RAD54L: variants seen among roughly 807,000 people sequenced by gnomAD.
RAD54L encodes RAD54 like.
A neutral mutation model predicts 91.6 loss-of-function variants in RAD54L; 74 were observed. That is an observed-to-expected ratio of 0.81 (90% CI 0.67 to 0.98). The LOEUF is 0.98. Among genes scored for constraint, RAD54L ranks in the 50% least tolerant of loss-of-function variants. RAD54L has a pLI of 0.00. For missense variants in RAD54L, 887 were observed against 945.7 expected, an observed-to-expected ratio of 0.94 and a Z score of 0.81; for synonymous variants, 304 against 349.7, an observed-to-expected ratio of 0.87 and a Z score of 1.46.
chr1:46,257,326 C>T (rs1000087776), intron 3 of RAD54L, among the ~76,000 whole-genome samples: 2 of 152,018 alleles, frequency 1.3e-5, no homozygotes, highest in African/African-American at 4.8e-5. Context: ...GCTTTTTCCA[C>T]TAATATATTC....
chr1:46,249,793 T>C (rs1417503956), intron 2 of RAD54L, among the ~76,000 whole-genome samples: 1 of 152,198 alleles, frequency 6.6e-6, no homozygotes, highest in African/African-American at 2.4e-5. Context: ...AGGCAGGTTA[T>C]TTAATCTCAT....
Position 46,268,513 on chromosome 1 carries a change from ACT to A in RAD54L, c.1042+910_1042+911del, listed in dbSNP as rs368608254. On this transcript the variant is annotated intron_variant, in intron 9 of 17. Transcript: ENST00000371975. ...AACCACCATCAGATGAATTACTAAC[ACT>A]CTCTCAGCAGCCCCTTTTCTAATCA... Among the ~76,000 whole-genome samples, 74 of 151,876 alleles carry A rather than the reference ACT, an allele frequency of 4.9e-4. 1 individual carries two copies. In the South Asian group the frequency reaches 0.014, roughly 29 times the overall value.
At chr1:46,274,379 G>C (rs1660532118) in intron 15 of RAD54L, among the ~76,000 whole-genome samples, 159 bp from the exon 16 acceptor site, 1 of 151,992 alleles carries the variant, frequency 6.6e-6, no homozygotes. Flanking sequence ...GAAACTGACT[G>C]TGTGTGTTGG....
In RAD54L at chr1:46,248,556, A is replaced by G. The variant is rs372009941; in HGVS notation, c.48A>G (p.Glu16=). Reference sequence around the variant, plus strand: ...GCCAGCTGGCCAAGAGAAAACCTGAAGGCAGGTCCTGTGATGATGAAGACT... The same window carrying G: ...GCCAGCTGGCCAAGAGAAAACCTGAGGGCAGGTCCTGTGATGATGAAGACT... ...APSQLAKRKP[E]GRSCDDEDWQ... is the part of the protein sequence containing the mutation. The change falls in exon 2 of 18, where the codon GAA becomes GAG. Residue 16 remains glutamate (E), a synonymous_variant. Coordinates refer to ENST00000371975, the MANE Select transcript of RAD54L (RefSeq NM_003579.4). 3.7e-6 allele frequency: 6 copies of G among 1,614,052 alleles called. No homozygotes were observed. In the African/African-American group the frequency reaches 8.0e-5, roughly 22 times the overall value.
chr1:46,276,661 G>A (rs1456288045), intron 16 of RAD54L, among the ~76,000 whole-genome samples: 1 of 152,154 alleles, frequency 6.6e-6, no homozygotes, highest in East Asian at 1.9e-4. Flanking sequence ...GGATATTGCA[G>A]CAGCTTCCTA....
chr1:46,249,644 C>G (rs1243993776), intron 2 of RAD54L, among the ~76,000 whole-genome samples: 1 of 152,174 alleles, frequency 6.6e-6, no homozygotes, highest in Non-Finnish European at 1.5e-5. Context: ...CTCTTGGAAA[C>G]TCAGCGAAAT....
chr1:46,267,193 A>G (rs1481293233), intron 8 of RAD54L, among the ~76,000 whole-genome samples: 1 of 152,156 alleles, frequency 6.6e-6, no homozygotes, highest in Non-Finnish European at 1.5e-5. Context: ...CCTCCCAAGT[A>G]GCTGGGGCTA....
intron 14 of RAD54L, 137 bp downstream of exon 14, chr1:46,273,884 G>T: frequency 7.7e-7 from 1 of 1,303,692 alleles, no homozygotes; most frequent in Non-Finnish European, 1.1e-6. Flanking sequence ...TTATTGCTAT[G>T]ATGGCCTCAG....
chr1:46,260,187 C>T (rs748876683), intron 5 of RAD54L, 88 bp downstream of exon 5: 555 of 1,569,640 alleles, frequency 3.5e-4, no homozygotes, highest in Non-Finnish European at 4.5e-4. Flanking sequence ...GGTGTGATTT[C>T]TTTTTAGGAT....
chr1:46,265,134 C>G lies in RAD54L; in HGVS notation c.892-2325C>G, dbSNP rs945701328. ...TCATTTCCCTCTTCAGTTCAGAAGT[C>G]TAAGGCTTTTTTTAGGGCTAGTACT... On this transcript the variant is annotated intron_variant, in intron 8 of 17. Coordinates refer to ENST00000371975, the MANE Select transcript of RAD54L (RefSeq NM_003579.4). The surrounding 1 kb of genome is among the most constrained non-coding windows in gnomAD (Gnocchi z 4.8). Among the ~76,000 whole-genome samples the G allele has an allele frequency of 2.6e-5, 4 of 152,072 alleles. No individual in the cohort carries two copies. The highest frequency in any genetic ancestry group is 4.4e-5 in the Non-Finnish European group (3 of 68,024).
chr1:46,273,450 G>A lies in RAD54L; in HGVS notation c.1471G>A (p.Glu491Lys), dbSNP rs1217352097. The change falls in exon 13 of 18, where the codon GAG (glutamate) becomes AAG (lysine). Residue 491 changes from glutamate to lysine, a missense_variant. Coordinates refer to ENST00000371975, the MANE Select transcript of RAD54L (RefSeq NM_003579.4). ...FPPGYSSKAL[E>K]PQLSGKMLVL... Reference sequence around the variant, plus strand: ...TCCTGGTTACAGCTCTAAGGCCCTGGAGCCCCAGCTGTCAGGTGACCCTTT... The same window carrying A: ...TCCTGGTTACAGCTCTAAGGCCCTGAAGCCCCAGCTGTCAGGTGACCCTTT... The A allele has an allele frequency of 6.2e-7, 1 of 1,613,750 alleles. No individual in the cohort carries two copies. Among genetic ancestry groups the A allele is most frequent in the South Asian group, 1.1e-5 (1 of 91,070 alleles).
chr1:46,273,471 C>A lies in RAD54L; in HGVS notation c.1486+6C>A, dbSNP rs528490594. 31 of 1,612,304 alleles carry A rather than the reference C, an allele frequency of 1.9e-5. No individual in the cohort carries two copies. The East Asian group carries it at 6.5e-4, about 34-fold the overall frequency. On this transcript the variant is annotated splice_donor_region_variant and intron_variant, in intron 13 of 17. Transcript: ENST00000371975. ...CCTGGAGCCCCAGCTGTCAGGTGAC[C>A]CTTTTCCTACCAGTATTTGGGCTTC...
chr1:46,268,329 T>C (rs1660323863), intron 9 of RAD54L, among the ~76,000 whole-genome samples: 1 of 152,110 alleles, frequency 6.6e-6, no homozygotes, highest in African/African-American at 2.4e-5. Context: ...AAAATAGTAA[T>C]AATAATCAAA....
chr1:46,275,321 C>T (rs1177768793), intron 16 of RAD54L, among the ~76,000 whole-genome samples: 1 of 152,164 alleles, frequency 6.6e-6, no homozygotes, highest in African/African-American at 2.4e-5. Flanking sequence ...AAGATCACAC[C>T]GTGGAACTTG....
At chr1:46,255,038 G>A (rs1659902458) in intron 3 of RAD54L, among the ~76,000 whole-genome samples, 1 of 152,188 alleles carries the variant, frequency 6.6e-6, no homozygotes. Flanking sequence ...GCTTCGTCAA[G>A]TAAGATACAT....
In RAD54L at chr1:46,248,353, G is replaced by A; in HGVS notation, c.-53G>A. ...GGTCCTACACTCTTAGCCGCTGCCT[G>A]CTTTTGACCTTTGGCTCATGGGTAC... On this transcript the variant is annotated 5_prime_UTR_variant, in exon 1 of 18. Transcript: ENST00000371975. The A allele has an allele frequency of 6.2e-7, 1 of 1,611,626 alleles. No individual in the cohort carries two copies. Among genetic ancestry groups the A allele is most frequent in the South Asian group, 1.1e-5 (1 of 90,842 alleles).
intron 9 of RAD54L, 195 bp downstream of exon 9, chr1:46,267,804 GC>G: frequency 1.4e-6 from 1 of 708,270 alleles, no homozygotes. Flanking sequence ...ACTCAGCAAA[GC>G]CCATGTTGGC....
At chr1:46,257,389 T>C (rs1024011743) in intron 3 of RAD54L, among the ~76,000 whole-genome samples, 8 of 152,196 alleles carry the variant, frequency 5.3e-5, no homozygotes, top group African/African-American at 1.7e-4. Flanking sequence ...CTCTCTTGGC[T>C]TCCACCTCTG....
intron 10 of RAD54L, 91 bp downstream of exon 10, chr1:46,270,876 G>C (rs779684020): frequency 6.4e-7 from 1 of 1,564,556 alleles, no homozygotes; most frequent in Admixed American, 1.7e-5. Flanking sequence ...GCCCTCAAAG[G>C]CTGGGATTCT....
Sources: gnomAD v4.1 joint callset for allele counts (sites outside exome capture counted in the v4.1 genomes callset) on GRCh38, gnomAD v4.1.1 for gene constraint, Gnocchi (gnomAD v3.1) non-coding constraint, MANE v1.5 for transcripts, NCBI Gene and HGNC (gene_info 2026-07-23, HGNC 2026-07-21) for gene names.